The following CLSPN variants were observed in gnomAD, a reference collection of about 807,000 sequenced individuals.
CLSPN encodes claspin homolog.
A neutral mutation model predicts 156.3 loss-of-function variants in CLSPN; 85 were observed. The ratio of observed to expected loss-of-function variants is 0.54; its 90% CI spans 0.46 to 0.65. The LOEUF (loss-of-function observed/expected upper bound fraction) is 0.65. Among genes scored for constraint, CLSPN ranks in the 30% least tolerant of loss-of-function variants. The pLI is 0.00. For missense variants in CLSPN, 1,407 were observed against 1,554.9 expected, an observed-to-expected ratio of 0.90 and a Z score of 1.60; for synonymous variants, 534 against 542.4, an observed-to-expected ratio of 0.98 and a Z score of 0.22.
Position 35,749,767 on chromosome 1 carries a change from A to G in CLSPN, c.2073T>C (p.Asp691=). 1.2e-6 allele frequency: 2 copies of G among 1,613,998 alleles called. No individual in the cohort carries two copies. The highest frequency in any genetic ancestry group is 1.7e-6 in the Non-Finnish European group (2 of 1,179,938). ...TATTTTCTTTATCCATTTCTTTTTC[A>G]TCTTTTGTTTCTATTTCTTCACTAC... ...LLSSEEIETK[D]EKEMDKENND... Residue 691 remains aspartate, a synonymous_variant, in exon 11 of 25, where the codon GAT becomes GAC. Transcript: ENST00000318121.
intron 8 of CLSPN, among the ~76,000 whole-genome samples, chr1:35,756,528 T>C (rs1474434500): frequency 6.6e-6 from 1 of 152,196 alleles, no homozygotes; most frequent in African/African-American, 2.4e-5. Context: ...CATTCATCTC[T>C]ATTAGTCCAT....
intron 24 of CLSPN, among the ~76,000 whole-genome samples, chr1:35,723,315 AC>A: frequency 6.6e-6 from 1 of 152,304 alleles, no homozygotes; most frequent in South Asian, 2.1e-4. Context: ...TGCCATCAAG[AC>A]CCAATGATGG....
At chr1:35,763,105 A>G in intron 4 of CLSPN, 55 bp downstream of exon 4, 2 of 1,345,826 alleles carry the variant, frequency 1.5e-6, no homozygotes, top group Non-Finnish European at 1.9e-6. Flanking sequence ...AATTAAAAAT[A>G]TAGCAAAGGT....
chr1:35,759,823 A>G (rs946489360), intron 8 of CLSPN, among the ~76,000 whole-genome samples: 1 of 151,110 alleles, frequency 6.6e-6, no homozygotes, highest in Non-Finnish European at 1.5e-5. Context: ...ATTAACTATC[A>G]ACAACCTTTT....
At chr1:35,737,248 TC>T in intron 23 of CLSPN, 90 bp downstream of exon 23, 1 of 1,306,066 alleles carries the variant, frequency 7.7e-7, no homozygotes, top group Non-Finnish European at 1.1e-6. Flanking sequence ...GCCACCTCCT[TC>T]CTCTAATGAC....
chr1:35,735,354 T>C lies in CLSPN; in HGVS notation c.*1142A>G, dbSNP rs1457182171. ...CCTTGGGAAGAAGCATACAGGAAAA[T>C]GAAAGGGGTAAGAGTAATACAGCAG... is the stretch of plus-strand genomic sequence containing the variant. On this transcript the variant is annotated 3_prime_UTR_variant, in exon 25 of 25. Coordinates refer to ENST00000318121, the MANE Select transcript of CLSPN (RefSeq NM_022111.4). 1 of 985,068 alleles carries C rather than the reference T, an allele frequency of 1.0e-6. No individual in the cohort carries two copies. Among genetic ancestry groups the C allele is most frequent in the African/African-American group, 1.7e-5 (1 of 57,158 alleles). The allele number at this position is 985,068 out of a possible 1,614,324, so 61.0% of individuals were successfully genotyped here.
chr1:35,751,817 A>G (rs1381134026), intron 9 of CLSPN, among the ~76,000 whole-genome samples: 1 of 151,756 alleles, frequency 6.6e-6, no homozygotes, highest in Non-Finnish European at 1.5e-5. Flanking sequence ...AAATTTACCT[A>G]TATTAAAGAA....
intron 1 of CLSPN, among the ~76,000 whole-genome samples, chr1:35,769,007 TG>T (rs1642770100): frequency 6.6e-6 from 1 of 152,152 alleles, no homozygotes; most frequent in Non-Finnish European, 1.5e-5. Flanking sequence ...TAAAGTTTAT[TG>T]GAAACAGGGA....
intron 24 of CLSPN, among the ~76,000 whole-genome samples, chr1:35,721,623 A>G (rs1641076556): frequency 6.6e-6 from 1 of 151,910 alleles, no homozygotes; most frequent in Non-Finnish European, 1.5e-5. Context: ...CCTGACCTCA[A>G]ATGATCTGCC....
Position 35,760,460 on chromosome 1 carries a change from T to C in CLSPN, c.1461A>G (p.Glu487=). ...TATCCAGAGTAAACCGTCTCACTTTTTCAGGTGGCCCAACTGCTGATGATT... is the reference window on the plus strand; with the variant it reads ...TATCCAGAGTAAACCGTCTCACTTTCTCAGGTGGCCCAACTGCTGATGATT... ...QNKSSAVGPP[E]KVRRFTLDRL... The change falls in exon 8 of 25, where the codon GAA becomes GAG. Residue 487 remains glutamate, a synonymous_variant. Transcript: ENST00000318121. The C allele has an allele frequency of 6.2e-7, 1 of 1,614,216 alleles. No homozygotes were observed.
Position 35,736,543 on chromosome 1 carries a change from T to C in CLSPN, c.3973A>G (p.Ser1325Gly), listed in dbSNP as rs751371479. Residue 1325 changes from serine to glycine, a missense_variant, in exon 25 of 25, where the codon AGC becomes GGC. Transcript: ENST00000318121. ...PSPKHLKTDD[S>G]TSGLTRSIFK... ...ATGCTTCGCGTCAATCCTGAAGTGC[T>C]ATCATCTGTTTTGAGGTGCTTAGGT... 8 of 1,612,174 alleles carry C rather than the reference T, an allele frequency of 5.0e-6. No individual in the cohort carries two copies. The highest frequency in any genetic ancestry group is 6.8e-6 in the Non-Finnish European group (8 of 1,179,286).
intron 24 of CLSPN, among the ~76,000 whole-genome samples, chr1:35,723,267 G>A (rs1278907684): frequency 6.6e-6 from 1 of 152,176 alleles, no homozygotes; most frequent in Non-Finnish European, 1.5e-5. Context: ...CTCCAGAGAT[G>A]GCCAGTATCA....
In CLSPN at chr1:35,744,546, T is replaced by G. The variant is rs376315772; in HGVS notation, c.2966+905A>C. Among the ~76,000 whole-genome samples the G allele has an allele frequency of 5.9e-5, 9 of 152,232 alleles. No individual in the cohort carries two copies. In the South Asian group the frequency reaches 1.7e-3, roughly 28 times the overall value. ...CCTGAGCTCAAGTGATGCGCCCACC[T>G]CAGCCACCCAAAGTGTTGGGATTAC... On this transcript the variant is annotated intron_variant, in intron 16 of 24. Transcript: ENST00000318121.
At chr1:35,759,234 A>G (rs963535916) in intron 8 of CLSPN, among the ~76,000 whole-genome samples, 4 of 152,228 alleles carry the variant, frequency 2.6e-5, no homozygotes, top group African/African-American at 7.2e-5. Context: ...AGTAGGGAAC[A>G]AGGCAGAAGA....
chr1:35,736,747 T>A, intron 24 of CLSPN, 141 bp from the exon 25 acceptor site: 1 of 1,388,506 alleles, frequency 7.2e-7, no homozygotes, highest in South Asian at 1.5e-5. Flanking sequence ...TCGGCAAGTT[T>A]AAAAGTTGAT....
chr1:35,756,007 A>T (rs1315091483), intron 8 of CLSPN, among the ~76,000 whole-genome samples: 1 of 152,212 alleles, frequency 6.6e-6, no homozygotes, highest in Non-Finnish European at 1.5e-5. Context: ...CTAATTTTCT[A>T]AAATGCACTC....
At chr1:35,726,534 C>T (rs1013055128) in intron 24 of CLSPN, among the ~76,000 whole-genome samples, 7 of 152,162 alleles carry the variant, frequency 4.6e-5, no homozygotes, top group East Asian at 1.9e-4. Flanking sequence ...AATTTGCTCT[C>T]GCCCTCTTGC....
chr1:35,766,296 G>T (rs1642671594), intron 1 of CLSPN, among the ~76,000 whole-genome samples: 1 of 150,004 alleles, frequency 6.7e-6, no homozygotes, highest in Non-Finnish European at 1.5e-5. Context: ...CACCCGGCCG[G>T]TTTCTTTAAC....
intron 1 of CLSPN, among the ~76,000 whole-genome samples, chr1:35,767,183 A>G (rs1215563737): frequency 6.6e-6 from 1 of 152,224 alleles, no homozygotes; most frequent in Non-Finnish European, 1.5e-5. Flanking sequence ...TCAAAAAACT[A>G]AAAATGTAAA....
Sources: allele counts gnomAD v4.1 joint callset (sites outside exome capture counted in the v4.1 genomes callset), GRCh38; gene constraint gnomAD v4.1.1; transcripts MANE v1.5; gene names NCBI Gene and HGNC (gene_info 2026-07-23, HGNC 2026-07-21).